ADAMTS19: variants seen among roughly 807,000 people sequenced by gnomAD.
ADAMTS19 encodes ADAM metallopeptidase with thrombospondin type 1 motif 19.
A neutral mutation model predicts 153.3 loss-of-function variants in ADAMTS19; 93 were observed. The observed-to-expected ratio is 0.61, with a 90% CI of 0.51 to 0.72. ADAMTS19 has a LOEUF of 0.72. Ranked by LOEUF, ADAMTS19 falls within the 30% of genes least tolerant of loss-of-function variation. ADAMTS19 has a pLI of 0.00. For missense variants in ADAMTS19, 1,482 were observed against 1,552.1 expected (o/e 0.95, Z 0.76); for synonymous variants, 600 against 556.6 (o/e 1.08, Z -1.10).
At chr5:129,487,725 G>C (rs904613425) in intron 2 of ADAMTS19, among the ~76,000 whole-genome samples, 1 of 151,966 alleles carries the variant, frequency 6.6e-6, no homozygotes, top group Non-Finnish European at 1.5e-5. Context: ...TCTAAATAGC[G>C]TAATATTTTC....
At chr5:129,690,087 T>A (rs1755263216) in intron 18 of ADAMTS19, among the ~76,000 whole-genome samples, 1 of 152,182 alleles carries the variant, frequency 6.6e-6, no homozygotes, top group Non-Finnish European at 1.5e-5. Flanking sequence ...TATATTTCAC[T>A]CATTCATTCC....
At chr5:129,564,598 G>A (rs911268814) in intron 7 of ADAMTS19, among the ~76,000 whole-genome samples, 1 of 152,170 alleles carries the variant, frequency 6.6e-6, no homozygotes, top group African/African-American at 2.4e-5. Context: ...AGGATTTTAC[G>A]AGGATTTTGG....
chr5:129,690,072 A>G (rs1303107610), intron 18 of ADAMTS19, among the ~76,000 whole-genome samples: 1 of 152,226 alleles, frequency 6.6e-6, no homozygotes, highest in African/African-American at 2.4e-5. Flanking sequence ...CTTGAATTAC[A>G]TGCTTATATT....
intron 13 of ADAMTS19, 96 bp from the exon 14 acceptor site, chr5:129,654,210 T>C (rs1006645694): frequency 1.7e-6 from 2 of 1,191,840 alleles, no homozygotes; most frequent in African/African-American, 3.1e-5. Flanking sequence ...TTGAATTATA[T>C]TTTTTACTCA....
At chr5:129,465,247 C>A (rs1045793655) in intron 2 of ADAMTS19, among the ~76,000 whole-genome samples, 1 of 149,244 alleles carries the variant, frequency 6.7e-6, no homozygotes, top group Non-Finnish European at 1.5e-5. Context: ...CACACAAAAG[C>A]AATAAATTAA....
chr5:129,676,948 TTTC>T (rs1411196370), intron 16 of ADAMTS19, among the ~76,000 whole-genome samples: 11 of 152,268 alleles, frequency 7.2e-5, no homozygotes, highest in African/African-American at 2.4e-4. Flanking sequence ...TCTGAAAATA[TTTC>T]TTTACATTGT....
At chr5:129,728,962 G>C (rs999384518) in intron 21 of ADAMTS19, among the ~76,000 whole-genome samples, 1 of 152,132 alleles carries the variant, frequency 6.6e-6, no homozygotes, top group African/African-American at 2.4e-5. Flanking sequence ...TGTCACAACT[G>C]TAAGCTGGCA....
rs143292646 is a variant in ADAMTS19, at chr5:129,588,487, C to T, written c.1373-8072C>T. Reference sequence around the variant, plus strand: ...ACTTTTTAGATGGAATATTTAGATTCTCTGTATCTTTACTTTCTTTTCATC... The same window carrying T: ...ACTTTTTAGATGGAATATTTAGATTTTCTGTATCTTTACTTTCTTTTCATC... On this transcript the variant is annotated intron_variant, in intron 7 of 22. Transcript: ENST00000274487. Among the ~76,000 whole-genome samples the T allele has an allele frequency of 7.1e-3, 1,075 of 152,068 alleles. 13 individuals carry two copies. Among genetic ancestry groups the T allele is most frequent in the African/African-American group, 0.025 (1,019 of 41,522 alleles).
intron 6 of ADAMTS19, among the ~76,000 whole-genome samples, chr5:129,547,859 G>A (rs1411249781): frequency 6.6e-6 from 1 of 150,718 alleles, no homozygotes; most frequent in Non-Finnish European, 1.5e-5. Context: ...AGAGCCCTCA[G>A]AAATAATGCC....
chr5:129,642,548 T>C (rs1032283793), intron 11 of ADAMTS19, among the ~76,000 whole-genome samples: 3 of 152,136 alleles, frequency 2.0e-5, no homozygotes, highest in Admixed American at 6.5e-5. Flanking sequence ...ATGAAGAAGA[T>C]GGATTTCACA....
At chr5:129,669,980 G>T (rs1554104524) in intron 16 of ADAMTS19, among the ~76,000 whole-genome samples, 1 of 151,850 alleles carries the variant, frequency 6.6e-6, no homozygotes, top group Non-Finnish European at 1.5e-5. Context: ...TGTGGTGGGG[G>T]GTTGTTATTC....
chr5:129,683,387 T>C (rs1238048695), intron 17 of ADAMTS19, among the ~76,000 whole-genome samples: 8 of 151,814 alleles, frequency 5.3e-5, no homozygotes, highest in East Asian at 1.9e-4. Context: ...TTTTCATGTA[T>C]TTTTATGGTT....
intron 10 of ADAMTS19, among the ~76,000 whole-genome samples, chr5:129,635,503 C>T (rs1411093916): frequency 6.6e-6 from 1 of 152,048 alleles, no homozygotes; most frequent in Non-Finnish European, 1.5e-5. Context: ...ATGGAATGAA[C>T]CTAAATGTTC....
intron 2 of ADAMTS19, among the ~76,000 whole-genome samples, chr5:129,485,398 G>A (rs981350523): frequency 6.6e-6 from 1 of 152,002 alleles, no homozygotes; most frequent in Admixed American, 6.5e-5. Flanking sequence ...TTAGGAAAGA[G>A]GATGGGTCCA....
chr5:129,695,331 C>G (rs1755505268), intron 19 of ADAMTS19, among the ~76,000 whole-genome samples: 1 of 152,166 alleles, frequency 6.6e-6, no homozygotes, highest in African/African-American at 2.4e-5. Context: ...AAGCAAACTG[C>G]CCAATCCCTG....
chr5:129,559,399 AT>A (rs1377862783), intron 7 of ADAMTS19, among the ~76,000 whole-genome samples: 1 of 152,116 alleles, frequency 6.6e-6, no homozygotes, highest in East Asian at 1.9e-4. Flanking sequence ...TTAAAAAAAA[AT>A]AAAATGGTAA....
At chr5:129,467,093 A>C (rs1236820407) in intron 2 of ADAMTS19, among the ~76,000 whole-genome samples, 1 of 152,246 alleles carries the variant, frequency 6.6e-6, no homozygotes, top group African/African-American at 2.4e-5. Context: ...TGATTAAATT[A>C]TACAATTACA....
intron 10 of ADAMTS19, among the ~76,000 whole-genome samples, chr5:129,625,600 T>C (rs571607109): frequency 6.6e-6 from 1 of 152,358 alleles, no homozygotes; most frequent in East Asian, 1.9e-4. Flanking sequence ...CCAGTGATAA[T>C]GAGCATTTTT....
At chr5:129,564,864 G>A (rs998730550) in intron 7 of ADAMTS19, among the ~76,000 whole-genome samples, 14 of 152,070 alleles carry the variant, frequency 9.2e-5, no homozygotes, top group African/African-American at 3.4e-4. Flanking sequence ...AGTCAGATTG[G>A]GCCTGGGCAT....
Sources: allele counts gnomAD v4.1 joint callset (sites outside exome capture counted in the v4.1 genomes callset), GRCh38; gene constraint gnomAD v4.1.1; transcripts MANE v1.5; gene names NCBI Gene and HGNC (gene_info 2026-07-23, HGNC 2026-07-21).